The following CAPN8 variants were observed in gnomAD, a reference collection of about 807,000 sequenced individuals.
The protein encoded by CAPN8 is calpain 8.
Under a neutral mutation model 80.9 loss-of-function variants are expected in CAPN8, and 87 were observed. The observed-to-expected ratio is 1.07, with a 90% CI of 0.90 to 1.28. The LOEUF is 1.28. Among genes scored for constraint, CAPN8 ranks in the 50% most tolerant of loss-of-function variants. The pLI is 0.00. For synonymous variants in CAPN8, 299 were observed against 273.8 expected (o/e 1.09, Z -0.91); for missense variants, 757 against 702.0 (o/e 1.08, Z -0.89).
chr1:223,659,039 T>A (rs1012308933), intron 1 of CAPN8, among the ~76,000 whole-genome samples: 1 of 152,186 alleles, frequency 6.6e-6, no homozygotes, highest in Non-Finnish European at 1.5e-5. Context: ...ATAACAATCA[T>A]GTCTTTTTAG....
intron 2 of CAPN8, among the ~76,000 whole-genome samples, chr1:223,650,253 C>T (rs1571736432): frequency 1.3e-5 from 2 of 152,246 alleles, no homozygotes; most frequent in South Asian, 4.2e-4. Context: ...GGATCCCCCT[C>T]CATTTACATG....
intron 2 of CAPN8, among the ~76,000 whole-genome samples, chr1:223,646,043 G>A (rs971724124): frequency 1.3e-5 from 2 of 152,210 alleles, no homozygotes; most frequent in African/African-American, 4.8e-5. Flanking sequence ...ACTGCACTCT[G>A]TACAGGGAAG....
Position 223,642,822 on chromosome 1 carries a change from T to C in CAPN8, c.307+11508A>G, listed in dbSNP as rs1271417543. On this transcript the variant is annotated intron_variant, in intron 2 of 20. Coordinates refer to ENST00000366872, the MANE Select transcript of CAPN8 (RefSeq NM_001143962.2). ...CTGAAGCCCACCAGGCCAATTCTCA[T>C]CCATCTCGTTTCTGTGATTGTGGAA... 6.6e-6 allele frequency: 3 copies of C among 456,276 alleles called. 1 individual carries two copies. Among genetic ancestry groups the C allele is most frequent in the South Asian group, 3.1e-5 (2 of 64,562 alleles). 28.3% of individuals were successfully genotyped at this position (456,276 alleles called of 1,614,324 possible). A position where few individuals can be genotyped will look rare whatever the true frequency, so the allele number is the denominator to read the frequency against.
intron 16 of CAPN8, among the ~76,000 whole-genome samples, chr1:223,546,103 A>G (rs1459643306): frequency 1.3e-5 from 2 of 150,082 alleles, no homozygotes; most frequent in Non-Finnish European, 3.0e-5. Context: ...AAGTGCCACG[A>G]CTATTTTTTT....
intron 1 of CAPN8, among the ~76,000 whole-genome samples, chr1:223,661,645 A>G (rs1479504952): frequency 1.3e-5 from 2 of 152,174 alleles, no homozygotes; most frequent in African/African-American, 4.8e-5. Context: ...CAAAAAAGAA[A>G]AAAAATGAAA....
In CAPN8 at chr1:223,643,846, G is replaced by A. The variant is rs148822033; in HGVS notation, c.307+10484C>T. 6.1e-3 allele frequency among the ~76,000 whole-genome samples: 933 copies of A among 152,274 alleles called. 16 individuals carry two copies. Among genetic ancestry groups the A allele is most frequent in the African/African-American group, 0.021 (877 of 41,550 alleles). On this transcript the variant is annotated intron_variant, in intron 2 of 20. Transcript: ENST00000366872. ...TGGGGGCTTGATGTAGACTGAAGAC[G>A]GTAAACCCGTCCTAACCTGCTTGCC...
chr1:223,649,580 A>G (rs1658292386), intron 2 of CAPN8, among the ~76,000 whole-genome samples: 1 of 152,236 alleles, frequency 6.6e-6, no homozygotes, highest in Admixed American at 6.5e-5. Context: ...GCTGGTTTGC[A>G]TGAAATTCTG....
intron 1 of CAPN8, among the ~76,000 whole-genome samples, chr1:223,658,263 C>A (rs2102739095): frequency 6.6e-6 from 1 of 152,268 alleles, no homozygotes; most frequent in Admixed American, 6.5e-5. Context: ...TCTAATAGGC[C>A]TCCCAAGTTC....
chr1:223,556,975 C>T (rs1656919393), intron 13 of CAPN8, among the ~76,000 whole-genome samples: 1 of 152,238 alleles, frequency 6.6e-6, no homozygotes, highest in Middle Eastern at 3.4e-3. Context: ...CTCAGATCAC[C>T]AAGAGTCACA....
chr1:223,622,356 A>G (rs1657423857), intron 7 of CAPN8, among the ~76,000 whole-genome samples: 1 of 152,132 alleles, frequency 6.6e-6, no homozygotes, highest in South Asian at 2.1e-4. Flanking sequence ...CCGCTGCCTC[A>G]TTCATCACTG....
At chr1:223,635,497 C>A (rs1475053942) in intron 2 of CAPN8, among the ~76,000 whole-genome samples, 1 of 152,224 alleles carries the variant, frequency 6.6e-6, no homozygotes, top group African/African-American at 2.4e-5. Flanking sequence ...TTGGAAGCTG[C>A]CTGGAGGCAG....
chr1:223,642,031 C>T (rs1006982554), intron 2 of CAPN8, among the ~76,000 whole-genome samples: 2 of 152,164 alleles, frequency 1.3e-5, no homozygotes, highest in Non-Finnish European at 2.9e-5. Flanking sequence ...ACCTGGCACA[C>T]CTTACTAGAA....
At chr1:223,622,729 T>C in intron 7 of CAPN8, 86 bp downstream of exon 7, 4 of 1,019,138 alleles carry the variant, frequency 3.9e-6, no homozygotes, top group Non-Finnish European at 4.5e-6. Flanking sequence ...GAACTCACTG[T>C]GACATCGATC....
chr1:223,547,887 G>A (rs1005173083), intron 16 of CAPN8, among the ~76,000 whole-genome samples: 1 of 152,224 alleles, frequency 6.6e-6, no homozygotes. Flanking sequence ...GCAGTAAAGT[G>A]AATCAATACT....
intron 16 of CAPN8, among the ~76,000 whole-genome samples, chr1:223,547,538 T>C (rs778512291): frequency 8.5e-5 from 13 of 152,188 alleles, no homozygotes; most frequent in Non-Finnish European, 1.6e-4. Flanking sequence ...CTAAATTATG[T>C]GATGATGGTT....
rs1449151954 is a variant in CAPN8, at chr1:223,628,152, G to A, written c.427-10C>T. 9.1e-6 allele frequency: 14 copies of A among 1,539,572 alleles called. No individual in the cohort carries two copies. The highest frequency in any genetic ancestry group is 1.1e-5 in the Non-Finnish European group (12 of 1,139,888). On this transcript the variant is annotated splice_polypyrimidine_tract_variant and intron_variant, in intron 3 of 20. Transcript: ENST00000366872. ...CTCCGTACTGCCAGAACTGGGGAGG[G>A]GGGACACAGCGGCTGCTCACATGAA...
intron 14 of CAPN8, among the ~76,000 whole-genome samples, chr1:223,551,809 G>A (rs1656792964): frequency 1.3e-5 from 2 of 152,204 alleles, no homozygotes; most frequent in Non-Finnish European, 2.9e-5. Context: ...GTGGTTTGTA[G>A]CTACCAAGAG....
At position 223,628,233 on chromosome 1, in the gene CAPN8, C is replaced by T. The variant is rs1349029224; in HGVS notation, c.427-91G>A. 13 of 1,398,694 alleles carry T rather than the reference C, an allele frequency of 9.3e-6. 1 individual carries two copies. The highest frequency in any genetic ancestry group is 1.0e-5 in the Non-Finnish European group (11 of 1,054,296). 86.6% of individuals were successfully genotyped at this position (1,398,694 alleles called of 1,614,324 possible). On this transcript the variant is annotated intron_variant, in intron 3 of 20. Transcript: ENST00000366872. ...GGGACCTCACGTGGGGACTCTGTGC[C>T]ATCAGTGTTCGAGTCTTGGCTCCTT...
intron 15 of CAPN8, chr1:223,549,702 G>C: frequency 2.1e-6 from 1 of 479,650 alleles, no homozygotes; most frequent in Non-Finnish European, 3.9e-6. Context: ...GAATAATCAT[G>C]ATAGTAACAA....
Sources: gnomAD v4.1 joint callset for allele counts (sites outside exome capture counted in the v4.1 genomes callset) on GRCh38, gnomAD v4.1.1 for gene constraint, MANE v1.5 for transcripts, NCBI Gene and HGNC (gene_info 2026-07-23, HGNC 2026-07-21) for gene names.